The following ZNF804A variants were observed in gnomAD, a reference collection of about 807,000 sequenced individuals.
The protein encoded by ZNF804A is zinc finger protein 804A.
A neutral mutation model predicts 16.5 loss-of-function variants in ZNF804A; 2 were observed. The observed-to-expected ratio is 0.12, with a 90% confidence interval of 0.05 to 0.38. The LOEUF is 0.38. Among genes scored for constraint, ZNF804A ranks in the 10% least tolerant of loss-of-function variants. ZNF804A has a pLI of 0.99. For missense variants in ZNF804A, 1,473 were observed against 1,390.7 expected, an observed-to-expected ratio of 1.06 and a Z score of -0.94; for synonymous variants, 534 against 489.6, an observed-to-expected ratio of 1.09 and a Z score of -1.20.
intron 1 of ZNF804A, among the ~76,000 whole-genome samples, chr2:184,732,977 C>T (rs1469505593): frequency 6.6e-6 from 1 of 152,068 alleles, no homozygotes; most frequent in Non-Finnish European, 1.5e-5. Flanking sequence ...CATCTGTGAA[C>T]AAAGACAGTG....
chr2:184,755,836 A>C (rs1368423868), intron 1 of ZNF804A, among the ~76,000 whole-genome samples: 1 of 151,972 alleles, frequency 6.6e-6, no homozygotes, highest in Non-Finnish European at 1.5e-5. Flanking sequence ...AATAACCTCA[A>C]ATGCTGTAAC....
At chr2:184,624,841 AG>A (rs1467822278) in intron 1 of ZNF804A, among the ~76,000 whole-genome samples, 2 of 152,188 alleles carry the variant, frequency 1.3e-5, no homozygotes, top group Non-Finnish European at 2.9e-5. Context: ...TAAATTAATG[AG>A]TAACACTGCA....
chr2:184,667,286 T>C (rs1012751053), intron 1 of ZNF804A, among the ~76,000 whole-genome samples: 1 of 151,964 alleles, frequency 6.6e-6, no homozygotes, highest in Non-Finnish European at 1.5e-5. Context: ...TCAGATCTCT[T>C]GTATAGACTT....
At chr2:184,729,149 A>G (rs1693470846) in intron 1 of ZNF804A, among the ~76,000 whole-genome samples, 1 of 151,886 alleles carries the variant, frequency 6.6e-6, no homozygotes, top group Non-Finnish European at 1.5e-5. Context: ...TATTGTATAT[A>G]CTAAAATTAC....
chr2:184,917,811 A>G (rs976165462), intron 2 of ZNF804A, among the ~76,000 whole-genome samples: 1 of 152,034 alleles, frequency 6.6e-6, no homozygotes. Context: ...ACACACACAC[A>G]CACACACACA....
At chr2:184,756,582 AT>A (rs1278459173) in intron 1 of ZNF804A, among the ~76,000 whole-genome samples, 4 of 152,020 alleles carry the variant, frequency 2.6e-5, no homozygotes, top group Non-Finnish European at 5.9e-5. Flanking sequence ...AGATTTTTCT[AT>A]GTAATAATCA....
chr2:184,713,188 G>A (rs1693157226), intron 1 of ZNF804A, among the ~76,000 whole-genome samples: 1 of 151,658 alleles, frequency 6.6e-6, no homozygotes, highest in Non-Finnish European at 1.5e-5. Context: ...AATCAGCCAA[G>A]TTAGACAGTC....
intron 1 of ZNF804A, among the ~76,000 whole-genome samples, chr2:184,649,936 G>A (rs746811650): frequency 4.6e-5 from 7 of 151,534 alleles, no homozygotes; most frequent in Admixed American, 1.3e-4. Context: ...TTGAGGAGGA[G>A]GGACTCCTTT....
intron 1 of ZNF804A, among the ~76,000 whole-genome samples, chr2:184,776,128 C>A (rs1483099552): frequency 6.6e-6 from 1 of 151,352 alleles, no homozygotes; most frequent in Admixed American, 6.6e-5. Context: ...AACATAGTTT[C>A]TTAGAAAAAA....
intron 1 of ZNF804A, among the ~76,000 whole-genome samples, chr2:184,830,593 C>T (rs1236826745): frequency 1.3e-5 from 2 of 151,960 alleles, no homozygotes; most frequent in East Asian, 1.9e-4. Flanking sequence ...GAAATGCTAA[C>T]GTAAGTATCT....
intron 1 of ZNF804A, among the ~76,000 whole-genome samples, chr2:184,840,672 C>T (rs1468596176): frequency 6.6e-6 from 1 of 151,974 alleles, no homozygotes; most frequent in Non-Finnish European, 1.5e-5. Flanking sequence ...TGGCAAGAAA[C>T]CCAGCAACCA....
chr2:184,855,729 G>A (rs544927154), intron 1 of ZNF804A, among the ~76,000 whole-genome samples: 2 of 151,960 alleles, frequency 1.3e-5, no homozygotes, highest in South Asian at 4.2e-4. Context: ...TATCATGATG[G>A]ACGCCATATA....
intron 2 of ZNF804A, among the ~76,000 whole-genome samples, chr2:184,874,529 A>T (rs1696022834): frequency 6.6e-6 from 1 of 152,140 alleles, no homozygotes; most frequent in Non-Finnish European, 1.5e-5. Flanking sequence ...ATTATAATTG[A>T]TGCTATTGTT....
chr2:184,725,451 CTT>C (rs2105744718), intron 1 of ZNF804A, among the ~76,000 whole-genome samples: 1 of 151,650 alleles, frequency 6.6e-6, no homozygotes, highest in African/African-American at 2.4e-5. Flanking sequence ...TTTGAATAAA[CTT>C]CACCTACTCT....
chr2:184,679,854 C>T (rs1047737934), intron 1 of ZNF804A, among the ~76,000 whole-genome samples: 18 of 152,108 alleles, frequency 1.2e-4, no homozygotes, highest in Admixed American at 9.2e-4. Context: ...AGGTTAATGG[C>T]GGCAGGGAGC....
intron 1 of ZNF804A, among the ~76,000 whole-genome samples, chr2:184,668,601 T>A (rs941740892): frequency 6.6e-6 from 1 of 151,888 alleles, no homozygotes; most frequent in Non-Finnish European, 1.5e-5. Context: ...CAAAAACTCT[T>A]GAGATAAGCT....
rs187761051 is a variant in ZNF804A, at chr2:184,919,412, G to A, written c.256-14191G>A. 3.9e-5 allele frequency among the ~76,000 whole-genome samples: 6 copies of A among 152,306 alleles called. No homozygotes were observed. In the East Asian group the frequency reaches 1.2e-3, roughly 29 times the overall value. On this transcript the variant is annotated intron_variant, in intron 2 of 3. Transcript: ENST00000302277. ...GGTGAGTGGAAGTCCACATTGCTGA[G>A]CCCATGTATGACCCCTGTTCCTGCC...
intron 1 of ZNF804A, among the ~76,000 whole-genome samples, chr2:184,859,771 C>G (rs1346528640): frequency 6.6e-6 from 1 of 152,220 alleles, no homozygotes; most frequent in African/African-American, 2.4e-5. Flanking sequence ...TCCAGAGATT[C>G]TGAGCAGGCC....
At chr2:184,715,485 A>C (rs1011503975) in intron 1 of ZNF804A, among the ~76,000 whole-genome samples, 1 of 152,106 alleles carries the variant, frequency 6.6e-6, no homozygotes, top group Non-Finnish European at 1.5e-5. Flanking sequence ...TTCTGGGCTC[A>C]AGTGATCCTC....
Sources: allele counts gnomAD v4.1 joint callset (sites outside exome capture counted in the v4.1 genomes callset), GRCh38; gene constraint gnomAD v4.1.1; transcripts MANE v1.5; gene names NCBI Gene and HGNC (gene_info 2026-07-23, HGNC 2026-07-21).